DOCK7: variants seen among roughly 807,000 people sequenced by gnomAD.
DOCK7 encodes the protein dedicator of cytokinesis 7, also known as dedicator of cytokinesis protein 7.
Under a neutral mutation model 271.0 loss-of-function variants are expected in DOCK7, and 138 were observed. The observed-to-expected ratio is 0.51, with a 90% CI of 0.44 to 0.59. The LOEUF (loss-of-function observed/expected upper bound fraction) is 0.59. DOCK7 is among the 20% of genes least tolerant of loss of function. The pLI, the probability that DOCK7 is intolerant of heterozygous loss-of-function variation, is 0.00. For missense variants in DOCK7, 2,066 were observed against 2,592.4 expected (o/e 0.80, Z 4.41); for synonymous variants, 823 against 876.1 (o/e 0.94, Z 1.07).
intron 14 of DOCK7, among the ~76,000 whole-genome samples, chr1:62,596,531 C>CGCTTGTAATCGGCTGGGCTCAT (rs1557774052): frequency 2.6e-5 from 4 of 152,038 alleles, no homozygotes; most frequent in African/African-American, 9.6e-5. Context: ...GCTGGGCTCA[C>CGCTTGTAATCGGCTGGGCTCAT]GCTTGTAATC....
At chr1:62,464,627 A>G (rs1484834621) in intron 48 of DOCK7, among the ~76,000 whole-genome samples, 1 of 152,036 alleles carries the variant, frequency 6.6e-6, no homozygotes, top group Non-Finnish European at 1.5e-5. Flanking sequence ...GGTTGCAGTA[A>G]GCCGAGATCG....
chr1:62,603,365 T>C (rs1418904409), intron 14 of DOCK7, among the ~76,000 whole-genome samples: 2 of 151,822 alleles, frequency 1.3e-5, no homozygotes, highest in Non-Finnish European at 3.0e-5. Flanking sequence ...GAACAATCTA[T>C]TTATATTTGT....
At chr1:62,623,224 A>T (rs1199943343) in intron 12 of DOCK7, among the ~76,000 whole-genome samples, 2 of 152,192 alleles carry the variant, frequency 1.3e-5, no homozygotes, top group African/African-American at 4.8e-5. Flanking sequence ...TAAAATGGTA[A>T]TCTCTTTTTT....
intron 14 of DOCK7, among the ~76,000 whole-genome samples, chr1:62,603,119 T>C (rs1044734032): frequency 2.0e-5 from 3 of 151,724 alleles, no homozygotes; most frequent in Non-Finnish European, 4.4e-5. Context: ...GTATACTCAG[T>C]GATAAGTTTT....
intron 1 of DOCK7, among the ~76,000 whole-genome samples, chr1:62,675,394 C>CCTGT (rs1341017780): frequency 3.3e-5 from 5 of 152,004 alleles, no homozygotes; most frequent in African/African-American, 1.2e-4. Context: ...AGAGCAAGAC[C>CCTGT]CTGTCTCAAT....
chr1:62,468,831 C>A (rs1052170335), intron 48 of DOCK7, among the ~76,000 whole-genome samples: 4 of 149,342 alleles, frequency 2.7e-5, no homozygotes, highest in Admixed American at 2.0e-4. Flanking sequence ...AAAAAAAAAA[C>A]AACCTCAAAA....
intron 14 of DOCK7, chr1:62,606,047 A>T (rs888170788): frequency 6.6e-6 from 1 of 152,052 alleles, no homozygotes; most frequent in African/African-American, 2.4e-5. Flanking sequence ...TATACATGTC[A>T]TATATATTTT....
chr1:62,581,574 T>C (rs1647123204), intron 16 of DOCK7, among the ~76,000 whole-genome samples: 2 of 152,200 alleles, frequency 1.3e-5, no homozygotes, highest in East Asian at 1.9e-4. Flanking sequence ...TTACTAAAAA[T>C]AGAGTTGGAA....
chr1:62,640,650 T>C (rs1655907764), intron 7 of DOCK7, among the ~76,000 whole-genome samples: 1 of 152,256 alleles, frequency 6.6e-6, no homozygotes, highest in Admixed American at 6.5e-5. Flanking sequence ...GTTGCACATG[T>C]TCCCAGTCTA....
At chr1:62,595,520 C>T (rs1231564532) in intron 14 of DOCK7, among the ~76,000 whole-genome samples, 3 of 152,150 alleles carry the variant, frequency 2.0e-5, no homozygotes, top group Non-Finnish European at 4.4e-5. Flanking sequence ...CAGAATCATG[C>T]TCTTAACCAC....
At chr1:62,574,697 G>A (rs1401635099) in intron 18 of DOCK7, among the ~76,000 whole-genome samples, 1 of 152,022 alleles carries the variant, frequency 6.6e-6, no homozygotes, top group Non-Finnish European at 1.5e-5. Context: ...TAAAACAAAC[G>A]AATAAAGATT....
At chr1:62,603,497 C>T (rs1418996414) in intron 14 of DOCK7, among the ~76,000 whole-genome samples, 1 of 151,562 alleles carries the variant, frequency 6.6e-6, no homozygotes. Flanking sequence ...ACAAAGAAAG[C>T]ATACATTAAG....
chr1:62,537,002 T>A (rs983433811), intron 28 of DOCK7, among the ~76,000 whole-genome samples: 1 of 152,180 alleles, frequency 6.6e-6, no homozygotes, highest in African/African-American at 2.4e-5. Flanking sequence ...GAAAAACCCA[T>A]CAATTTTCAT....
intron 27 of DOCK7, among the ~76,000 whole-genome samples, chr1:62,539,340 A>G (rs569598962): frequency 1.3e-5 from 2 of 152,340 alleles, no homozygotes; most frequent in East Asian, 3.9e-4. Flanking sequence ...GGCTGTACTG[A>G]TAACAGCTTG....
intron 1 of DOCK7, among the ~76,000 whole-genome samples, chr1:62,683,169 C>A (rs1661360299): frequency 6.6e-6 from 1 of 152,178 alleles, no homozygotes; most frequent in South Asian, 2.1e-4. Context: ...ATGTTCTAGT[C>A]TCTCTTTAAC....
chr1:62,473,313 T>C (rs1645882449), intron 48 of DOCK7, among the ~76,000 whole-genome samples: 1 of 152,182 alleles, frequency 6.6e-6, no homozygotes, highest in Admixed American at 6.5e-5. Flanking sequence ...CTTCCAAGTT[T>C]ACTGCTTGTA....
chr1:62,640,934 G>C (rs147116564), intron 7 of DOCK7, among the ~76,000 whole-genome samples: 2 of 152,286 alleles, frequency 1.3e-5, no homozygotes, highest in East Asian at 1.9e-4. Flanking sequence ...ACAATTCTTA[G>C]AGTGGCTTAA....
chr1:62,558,154 A>G (rs1170417413), intron 20 of DOCK7, among the ~76,000 whole-genome samples: 1 of 152,098 alleles, frequency 6.6e-6, no homozygotes, highest in Non-Finnish European at 1.5e-5. Flanking sequence ...TTTATAACTA[A>G]TTACTTAAAA....
At chr1:62,555,656 T>C (rs1646116277) in intron 21 of DOCK7, among the ~76,000 whole-genome samples, 169 bp downstream of exon 21, 1 of 152,240 alleles carries the variant, frequency 6.6e-6, no homozygotes, top group South Asian at 2.1e-4. Context: ...ATGTAACTTA[T>C]TTATCTCTTT....
Sources: allele counts gnomAD v4.1 joint callset (sites outside exome capture counted in the v4.1 genomes callset), GRCh38; gene constraint gnomAD v4.1.1; transcripts MANE v1.5; gene names NCBI Gene and HGNC (gene_info 2026-07-23, HGNC 2026-07-21).